The following CMTR1 variants were observed in gnomAD, a reference collection of about 807,000 sequenced individuals.
CMTR1 encodes cap-specific mRNA (nucleoside-2'-O-)-methyltransferase 1.
In CMTR1, 39 loss-of-function variants were observed where a neutral mutation model predicts 107.0. That is an observed-to-expected ratio of 0.36 (90% CI 0.28 to 0.48). The LOEUF is 0.48. Among genes scored for constraint, CMTR1 ranks in the 20% least tolerant of loss-of-function variants. The pLI is 0.99. For missense variants in CMTR1, 672 were observed against 1,064.9 expected (o/e 0.63, Z 5.14); for synonymous variants, 366 against 379.5 (o/e 0.96, Z 0.41).
At chr6:37,452,241 G>C (rs934240628) in intron 6 of CMTR1, among the ~76,000 whole-genome samples, 7 of 152,222 alleles carry the variant, frequency 4.6e-5, no homozygotes, top group Admixed American at 3.9e-4. Flanking sequence ...CCTTGGCCCG[G>C]TGGTTTTACT....
At chr6:37,433,618 T>C (rs537521064) in intron 1 of CMTR1, among the ~76,000 whole-genome samples, 2 of 152,342 alleles carry the variant, frequency 1.3e-5, no homozygotes, top group South Asian at 2.1e-4. Context: ...ATGAAGGGAC[T>C]GGCCGGGAGA....
chr6:37,437,336 C>T (rs1418679393), intron 2 of CMTR1, among the ~76,000 whole-genome samples: 1 of 151,278 alleles, frequency 6.6e-6, no homozygotes, highest in African/African-American at 2.4e-5. Context: ...ACCATCCTGG[C>T]TAACACAGTG....
Position 37,453,244 on chromosome 6 carries a change from G to A in CMTR1, c.709G>A (p.Ala237Thr). 1 of 1,614,164 alleles carries A rather than the reference G, an allele frequency of 6.2e-7. No individual in the cohort carries two copies. Reference sequence around the variant, plus strand: ...TTCTGTCTTGCTTTATTGCAGGGCAGCAATGAAGATGGCTAACATGGATTT... The same window carrying A: ...TTCTGTCTTGCTTTATTGCAGGGCAACAATGAAGATGGCTAACATGGATTT... The part of the protein sequence containing the change: ...IRGVFFLNRA[A>T]MKMANMDFVF... The change falls in exon 8 of 24, where the codon GCA (alanine) becomes ACA (threonine). Residue 237 changes from alanine to threonine, a missense_variant. Transcript: ENST00000373451.
In CMTR1 at chr6:37,446,383, A is replaced by T; in HGVS notation, c.378A>T (p.Arg126Ser). Residue 126 changes from arginine (R) to serine (S), a missense_variant, in exon 4 of 24, where the codon AGA becomes AGT. This residue lies in a region of CMTR1 where 583 missense variants were observed against 968.4 expected (regional missense o/e 0.60). Coordinates refer to ENST00000373451, the MANE Select transcript of CMTR1 (RefSeq NM_015050.3). ...IVEASSQKGR[R>S]GLGLTLRGFD... Reference sequence around the variant, plus strand: ...AGGCTTCCAGTCAGAAAGGTCGAAGAGGCTTGGGTCTGACACTCCGGGGCT... The same window carrying T: ...AGGCTTCCAGTCAGAAAGGTCGAAGTGGCTTGGGTCTGACACTCCGGGGCT... The T allele has an allele frequency of 2.5e-6, 4 of 1,614,174 alleles. No individual in the cohort carries two copies. The highest frequency in any genetic ancestry group is 3.4e-6 in the Non-Finnish European group (4 of 1,180,034).
intron 19 of CMTR1, chr6:37,475,769 C>T (rs1001854848): frequency 2.3e-5 from 11 of 476,920 alleles, no homozygotes; most frequent in Admixed American, 6.9e-5. Flanking sequence ...TTAAGTTGCT[C>T]ATCTGAGTGG....
At chr6:37,473,938 C>T (rs923995540) in intron 17 of CMTR1, among the ~76,000 whole-genome samples, 1 of 152,320 alleles carries the variant, frequency 6.6e-6, no homozygotes, top group Admixed American at 6.5e-5. Flanking sequence ...AACACCACCA[C>T]CACCCCATGC....
At chr6:37,466,014 C>T in intron 13 of CMTR1, among the ~76,000 whole-genome samples, 1 of 143,756 alleles carries the variant, frequency 7.0e-6, no homozygotes, top group Admixed American at 6.9e-5. Flanking sequence ...CAATTTTTTT[C>T]TTTTATTCCT....
rs191720033 is a variant in CMTR1, at chr6:37,481,092, C to A, written c.*947C>A. The A allele has an allele frequency of 2.3e-6, 3 of 1,304,254 alleles. No individual in the cohort carries two copies. The highest frequency in any genetic ancestry group is 2.0e-6 in the Non-Finnish European group (2 of 988,950). 80.8% of individuals were successfully genotyped at this position (1,304,254 alleles called of 1,614,324 possible). A position where few individuals can be genotyped will look rare whatever the true frequency, so the allele number is the denominator to read the frequency against. ...GCTTGAAGTGCAGCTCCCTTACTACCCTTTCCCTTCCTTTTTCTTCCCTAA... is the reference window on the plus strand; with the variant it reads ...GCTTGAAGTGCAGCTCCCTTACTACACTTTCCCTTCCTTTTTCTTCCCTAA... On this transcript the variant is annotated 3_prime_UTR_variant, in exon 24 of 24. Transcript: ENST00000373451.
chr6:37,435,528 A>G, intron 1 of CMTR1, 96 bp from the exon 2 acceptor site: 1 of 1,391,056 alleles, frequency 7.2e-7, no homozygotes. Context: ...GAATTGCCAA[A>G]TCTCATCCCA....
intron 2 of CMTR1, among the ~76,000 whole-genome samples, chr6:37,441,652 G>A (rs1371383579): frequency 2.6e-5 from 4 of 152,144 alleles, no homozygotes; most frequent in African/African-American, 9.7e-5. Context: ...GACCTCAGGT[G>A]ATCCGCCCGC....
rs768595935 is a variant in CMTR1 at position 37,472,428 on chromosome 6, C to A, written c.1630C>A (p.Gln544Lys). 1 of 1,614,064 alleles carries A rather than the reference C, an allele frequency of 6.2e-7. No homozygotes were observed. The highest frequency in any genetic ancestry group is 1.3e-5 in the African/African-American group (1 of 74,908). ...TGCTGTCTTATTTCAGATCCCAGAC[C>A]AGGCTCGTGTGGCTCCTTCTTCCTC... is the stretch of plus-strand genomic sequence containing the variant. ...ECLRLWGIPDQARVAPSSSDP... is the reference protein window; with the variant it reads ...ECLRLWGIPDKARVAPSSSDP... The change falls in exon 16 of 24, where the codon CAG becomes AAG. Residue 544 changes from glutamine to lysine, a missense_variant. By Grantham distance (53) the Gln-to-Lys change is moderately conservative (BLOSUM62 1). Coordinates refer to ENST00000373451, the MANE Select transcript of CMTR1 (RefSeq NM_015050.3). The surrounding 1 kb of genome is among the most constrained non-coding windows in gnomAD (Gnocchi z 4.1).
At chr6:37,434,056 G>A (rs1771464642) in intron 1 of CMTR1, among the ~76,000 whole-genome samples, 1 of 152,196 alleles carries the variant, frequency 6.6e-6, no homozygotes, top group Non-Finnish European at 1.5e-5. Flanking sequence ...GCAATGGCTA[G>A]AAGCAAGCTC....
At chr6:37,435,326 C>A (rs897506985) in intron 1 of CMTR1, among the ~76,000 whole-genome samples, 28 of 152,236 alleles carry the variant, frequency 1.8e-4, no homozygotes, top group African/African-American at 6.3e-4. Context: ...AAGGCTTTAT[C>A]CCCCAGTGGC....
chr6:37,453,493 G>A (rs979712510), intron 8 of CMTR1, among the ~76,000 whole-genome samples, 181 bp downstream of exon 8: 6 of 152,190 alleles, frequency 3.9e-5, no homozygotes, highest in African/African-American at 1.4e-4. Context: ...TGAAGCAGTT[G>A]TCTTCAGGGC....
chr6:37,424,867 T>G, the CMTR1 span, among the ~76,000 whole-genome samples: 1 of 152,128 alleles, frequency 6.6e-6, no homozygotes, highest in Non-Finnish European at 1.5e-5. Context: ...TCCTTGAGCA[T>G]TTCTTGAAGG....
rs1318563707 is a variant in CMTR1 at position 37,444,066 on chromosome 6, T to C, written c.201T>C (p.Phe67=). 6.2e-7 allele frequency: 1 copy of C among 1,614,176 alleles called. No homozygotes were observed. The highest frequency in any genetic ancestry group is 8.5e-7 in the Non-Finnish European group (1 of 1,180,020). ...GGAAACAACACAGCTCTGACTCTTT[T>C]GACGATGCATTCAAAGCAGACTCTC... ...TEGKQHSSDS[F]DDAFKADSLV... The change falls in exon 3 of 24, where the codon TTT becomes TTC. Residue 67 remains phenylalanine, a synonymous_variant. Transcript: ENST00000373451.
At chr6:37,450,160 C>A in intron 4 of CMTR1, 91 bp from the exon 5 acceptor site, 1 of 1,117,744 alleles carries the variant, frequency 8.9e-7, no homozygotes, top group East Asian at 2.4e-5. Context: ...GTCTCAGTCC[C>A]TTTTGATTGT....
At chr6:37,442,268 G>T (rs1771691974) in intron 2 of CMTR1, among the ~76,000 whole-genome samples, 1 of 152,176 alleles carries the variant, frequency 6.6e-6, no homozygotes, top group Admixed American at 6.5e-5. Context: ...CAACCTACTG[G>T]TGGGGAAGCT....
chr6:37,466,429 C>T (rs2776907), intron 13 of CMTR1, among the ~76,000 whole-genome samples: 10,959 of 151,966 alleles, frequency 0.072, 1,289 homozygotes, highest in African/African-American at 0.24. Context: ...CCACTGCACC[C>T]GGCCGAATTT....
Sources: gnomAD v4.1 joint callset for allele counts (sites outside exome capture counted in the v4.1 genomes callset) on GRCh38, gnomAD v4.1.1 for gene constraint, gnomAD v4.1.1 regional missense constraint, Gnocchi (gnomAD v3.1) non-coding constraint, MANE v1.5 for transcripts, NCBI Gene and HGNC (gene_info 2026-07-23, HGNC 2026-07-21) for gene names.